The following XPOT variants were observed in gnomAD, a reference collection of about 807,000 sequenced individuals.
XPOT encodes exportin-T.
In XPOT, 34 loss-of-function variants were observed where a neutral mutation model predicts 128.2. The ratio of observed to expected loss-of-function variants is 0.27; its 90% CI spans 0.20 to 0.35. XPOT has a LOEUF of 0.35. XPOT is among the 10% of genes least tolerant of loss of function. XPOT has a pLI of 1.00. For missense variants in XPOT, 838 were observed against 1,125.3 expected, an observed-to-expected ratio of 0.74 and a Z score of 3.65; for synonymous variants, 348 against 394.3, an observed-to-expected ratio of 0.88 and a Z score of 1.39.
In XPOT at chr12:64,430,216, G is replaced by T. The variant is rs1342990933; in HGVS notation, c.1905G>T (p.Leu635Phe). Reference sequence around the variant, plus strand: ...AGTTTAAAATTCTGTTAGAAAAGTTGATGCTGGCACAAGATGAAGAAAGGC... The same window carrying T: ...AGTTTAAAATTCTGTTAGAAAAGTTTATGCTGGCACAAGATGAAGAAAGGC... Reference protein sequence around the residue: ...MEKFKILLEKLMLAQDEERQA... With the variant: ...MEKFKILLEKFMLAQDEERQA... Residue 635 changes from leucine (L) to phenylalanine (F), a missense_variant, in exon 17 of 25, where the codon TTG (leucine) becomes TTT (phenylalanine). Physicochemically the swap from Leu to Phe is conservative, Grantham distance 22. Coordinates refer to ENST00000332707, the MANE Select transcript of XPOT (RefSeq NM_007235.6). The T allele has an allele frequency of 1.2e-6, 2 of 1,613,032 alleles. No homozygotes were observed. The highest frequency in any genetic ancestry group is 1.7e-6 in the Non-Finnish European group (2 of 1,179,694).
In XPOT at chr12:64,423,074, T is replaced by A. The variant is rs1401451584; in HGVS notation, c.1119+31T>A. ...TGACTTTATGCTTCTTTTAAACCAA[T>A]GATAGATTTTTAGTCTGTAATTTGC... is the stretch of plus-strand genomic sequence containing the variant. On this transcript the variant is annotated intron_variant, in intron 10 of 24. Coordinates refer to ENST00000332707, the MANE Select transcript of XPOT (RefSeq NM_007235.6). 4 of 1,610,812 alleles carry A rather than the reference T, an allele frequency of 2.5e-6. No individual in the cohort carries two copies. The Admixed American group carries it at 6.7e-5, about 27-fold the overall frequency.
chr12:64,440,093 A>G (rs183791025), intron 23 of XPOT, among the ~76,000 whole-genome samples: 88 of 152,318 alleles, frequency 5.8e-4, no homozygotes, highest in African/African-American at 2.0e-3. Flanking sequence ...ATCTTGCATA[A>G]CTAAGACTTT....
At chr12:64,423,446 C>T (rs1210111691) in intron 11 of XPOT, among the ~76,000 whole-genome samples, 2 of 151,854 alleles carry the variant, frequency 1.3e-5, no homozygotes, top group African/African-American at 4.8e-5. Context: ...CATTAACAAC[C>T]ACCCCCCCTC....
chr12:64,435,597 T>C (rs778022422), intron 21 of XPOT, 30 bp from the exon 22 acceptor site: 3 of 1,577,912 alleles, frequency 1.9e-6, no homozygotes, highest in African/African-American at 1.4e-5. Flanking sequence ...GAATTGAATA[T>C]ATAGAAATTC....
chr12:64,445,787 AG>A (rs1565805860), intron 24 of XPOT, among the ~76,000 whole-genome samples: 1 of 152,236 alleles, frequency 6.6e-6, no homozygotes, highest in South Asian at 2.1e-4. Flanking sequence ...ATAAAGTTAC[AG>A]TGTGACAAGG....
At chr12:64,435,597 T>G in intron 21 of XPOT, 30 bp from the exon 22 acceptor site, 1 of 1,578,030 alleles carries the variant, frequency 6.3e-7, no homozygotes, top group Non-Finnish European at 8.6e-7. Context: ...GAATTGAATA[T>G]ATAGAAATTC....
At chr12:64,429,790 G>T (rs1392611639) in intron 16 of XPOT, among the ~76,000 whole-genome samples, 1 of 152,112 alleles carries the variant, frequency 6.6e-6, no homozygotes. Context: ...AAGAAAACAA[G>T]TTAGAAAGCT....
chr12:64,434,050 C>G (rs2040261204), intron 19 of XPOT, among the ~76,000 whole-genome samples: 1 of 152,110 alleles, frequency 6.6e-6, no homozygotes, highest in Non-Finnish European at 1.5e-5. Context: ...GGGTCTCACT[C>G]TCTTGCCCAG....
chr12:64,444,498 T>C (rs2040352625), intron 23 of XPOT, among the ~76,000 whole-genome samples: 1 of 152,234 alleles, frequency 6.6e-6, no homozygotes, highest in African/African-American at 2.4e-5. Flanking sequence ...TCCTGTCATA[T>C]GCTATAATGT....
chr12:64,425,595 C>T (rs915247992), intron 14 of XPOT, 138 bp downstream of exon 14: 4 of 1,172,364 alleles, frequency 3.4e-6, no homozygotes, highest in Non-Finnish European at 3.6e-6. Context: ...AAAGTAACCC[C>T]TCCTCCATTT....
intron 1 of XPOT, among the ~76,000 whole-genome samples, chr12:64,405,799 G>A (rs907951965): frequency 6.6e-6 from 1 of 152,078 alleles, no homozygotes; most frequent in South Asian, 2.1e-4. Context: ...TGTATTTTTC[G>A]TAGAGATGGA....
At position 64,423,897 on chromosome 12, in the gene XPOT, C is replaced by T. The variant is rs184024234; in HGVS notation, c.1182+653C>T. On this transcript the variant is annotated intron_variant, in intron 11 of 24. Transcript: ENST00000332707. ...CTGTATTGGCAGAGTGGAAATGAGG[C>T]GCTCTAGACTTGTTCCAGTTAAAGG... Among the ~76,000 whole-genome samples, 12 of 152,140 alleles carry T rather than the reference C, an allele frequency of 7.9e-5. No homozygotes were observed. The East Asian group carries it at 1.9e-3, about 25-fold the overall frequency.
Position 64,408,010 on chromosome 12 carries a change from CT to C in XPOT, c.-74-1951del, listed in dbSNP as rs1283026863. Among the ~76,000 whole-genome samples the C allele has an allele frequency of 2.0e-5, 3 of 152,164 alleles. No individual in the cohort carries two copies. The East Asian group carries it at 5.8e-4, about 29-fold the overall frequency. On this transcript the variant is annotated intron_variant, in intron 1 of 24. Coordinates refer to ENST00000332707, the MANE Select transcript of XPOT (RefSeq NM_007235.6). ...GCTATTCCCAAAAGGCCTTTCTCCC[CT>C]ACCCCTGCTATTCCCAAAAGGCTTT...
At chr12:64,416,664 T>G in intron 3 of XPOT, 34 bp from the exon 4 acceptor site, 1 of 1,570,108 alleles carries the variant, frequency 6.4e-7, no homozygotes, top group Non-Finnish European at 8.7e-7. Flanking sequence ...CAGTTCATAT[T>G]CTGCTTATCT....
chr12:64,433,377 G>A, intron 18 of XPOT, 37 bp from the exon 19 acceptor site: 1 of 1,492,110 alleles, frequency 6.7e-7, no homozygotes. Flanking sequence ...TGTTAATATT[G>A]TTACTAATTT....
intron 15 of XPOT, among the ~76,000 whole-genome samples, chr12:64,427,184 A>G (rs1404290995): frequency 1.4e-5 from 2 of 139,932 alleles, no homozygotes; most frequent in Non-Finnish European, 3.0e-5. Flanking sequence ...CAATGGCATG[A>G]TCTTGACTCA....
chr12:64,406,249 T>C (rs1251457973), intron 1 of XPOT, among the ~76,000 whole-genome samples: 1 of 151,690 alleles, frequency 6.6e-6, no homozygotes, highest in East Asian at 1.9e-4. Flanking sequence ...CTAATTTTTG[T>C]ATTTTTAGTA....
In XPOT at chr12:64,449,814, T is replaced by G. The variant is rs2040395794; in HGVS notation, c.*1683T>G. ...CTATAGGAGTGATAATTGCAGCTAT[T>G]GCAATAGTAGTAATTGTTAAATGGA... On this transcript the variant is annotated 3_prime_UTR_variant, in exon 25 of 25. Coordinates refer to ENST00000332707, the MANE Select transcript of XPOT (RefSeq NM_007235.6). 1 of 152,240 alleles carries G rather than the reference T, an allele frequency of 6.6e-6. No homozygotes were observed. The highest frequency in any genetic ancestry group is 2.1e-4 in the South Asian group (1 of 4,834). 9.4% of individuals were successfully genotyped at this position (152,240 alleles called of 1,614,324 possible).
chr12:64,427,996 T>A, intron 15 of XPOT, 55 bp from the exon 16 acceptor site: 1 of 1,202,560 alleles, frequency 8.3e-7, no homozygotes, highest in East Asian at 2.4e-5. Flanking sequence ...ATTTGGTATT[T>A]TAGCACTGTT....
Sources: gnomAD v4.1 joint callset for allele counts (sites outside exome capture counted in the v4.1 genomes callset) on GRCh38, gnomAD v4.1.1 for gene constraint, MANE v1.5 for transcripts, NCBI Gene and HGNC (gene_info 2026-07-23, HGNC 2026-07-21) for gene names.